NUP98: variants seen among roughly 807,000 people sequenced by gnomAD.
The protein encoded by NUP98 is nucleoporin 98 and 96 precursor.
Under a neutral mutation model 191.9 loss-of-function variants are expected in NUP98, and 26 were observed. That is an observed-to-expected ratio of 0.14 (90% CI 0.10 to 0.19). The LOEUF (loss-of-function observed/expected upper bound fraction) is 0.19, where lower values mean the gene tolerates loss of function less well. Among genes scored for constraint, NUP98 ranks in the 10% least tolerant of loss-of-function variants. The probability of loss-of-function intolerance (pLI) is 1.00; values close to 1 mark genes in which losing one functional copy is unlikely to be tolerated. For synonymous variants in NUP98, 808 were observed against 778.4 expected, an observed-to-expected ratio of 1.04 and a Z score of -0.63; for missense variants, 1,941 against 2,178.8, an observed-to-expected ratio of 0.89 and a Z score of 2.17.
At chr11:3,697,243 C>CAAATAA (rs1369100616) in intron 25 of NUP98, 2 of 152,040 alleles carry the variant, frequency 1.3e-5, no homozygotes. Context: ...GACCCCATCT[C>CAAATAA]TATTTAAAAA....
At chr11:3,778,727 G>T in intron 4 of NUP98, 146 bp downstream of exon 4, 1 of 725,600 alleles carries the variant, frequency 1.4e-6, no homozygotes, top group Non-Finnish European at 2.3e-6. Flanking sequence ...AACCTTTTCA[G>T]TACATATTGA....
At chr11:3,714,111 T>TA in intron 18 of NUP98, 116 bp from the exon 19 acceptor site, 1 of 1,045,126 alleles carries the variant, frequency 9.6e-7, no homozygotes, top group Non-Finnish European at 1.4e-6. Context: ...GCCTTGGAAT[T>TA]ATTCTGCATG....
Position 3,735,793 on chromosome 11 carries a change from T to C in NUP98, c.1409-469A>G, listed in dbSNP as rs534556893. On this transcript the variant is annotated intron_variant, in intron 12 of 32. Coordinates refer to ENST00000324932, the MANE Select transcript of NUP98 (RefSeq NM_016320.5). ...TGTGTGTGTGTGTGTGTGTGTGTAATTGTCTAAAGGAAATAATATGACAGT... is the reference window on the plus strand; with the variant it reads ...TGTGTGTGTGTGTGTGTGTGTGTAACTGTCTAAAGGAAATAATATGACAGT... Among the ~76,000 whole-genome samples, 12 of 125,298 alleles carry C rather than the reference T, an allele frequency of 9.6e-5. No homozygotes were observed. The South Asian group carries it at 2.3e-3, about 24-fold the overall frequency. 82.2% of individuals were successfully genotyped at this position (125,298 alleles called of 152,430 possible). A position where few individuals can be genotyped will look rare whatever the true frequency, so the allele number is the denominator to read the frequency against.
intron 10 of NUP98, among the ~76,000 whole-genome samples, chr11:3,757,092 A>T (rs2080985648): frequency 2.1e-5 from 3 of 142,196 alleles, no homozygotes; most frequent in Admixed American, 7.2e-5. Flanking sequence ...CATCTCAAAA[A>T]AAAAATATAT....
chr11:3,795,377 TAGAGGCTA>T (rs2082493422), intron 1 of NUP98, among the ~76,000 whole-genome samples: 2 of 152,084 alleles, frequency 1.3e-5, no homozygotes, highest in South Asian at 4.1e-4. Context: ...GCCCAGGAGG[TAGAGGCTA>T]CTGTGAACCG....
intron 30 of NUP98, among the ~76,000 whole-genome samples, chr11:3,682,968 G>GCA (rs2078024271): frequency 6.6e-6 from 1 of 152,094 alleles, no homozygotes; most frequent in African/African-American, 2.4e-5. Context: ...AATAATATTA[G>GCA]CACACATCAA....
chr11:3,764,657 C>T (rs1032441572), intron 8 of NUP98, among the ~76,000 whole-genome samples: 2 of 152,230 alleles, frequency 1.3e-5, no homozygotes, highest in Non-Finnish European at 2.9e-5. Flanking sequence ...CGGCTCACCA[C>T]AACCTCCGCC....
chr11:3,741,909 G>A (rs946967668), intron 12 of NUP98, among the ~76,000 whole-genome samples: 1 of 152,220 alleles, frequency 6.6e-6, no homozygotes, highest in Non-Finnish European at 1.5e-5. Flanking sequence ...TGTGTGGAAT[G>A]AATGAAGGTA....
chr11:3,702,562 T>C lies in NUP98; in HGVS notation c.3413A>G (p.Asn1138Ser). ...AGAGCCATTCAGCTGTTCTCCACTA[T>C]TAGCAAGAGTCCAGTTGGGGCCCCA... is the stretch of plus-strand genomic sequence containing the variant. ...VGWGPNWTLA[N>S]SGEQLNGSHE... The change falls in exon 23 of 33, where the codon AAT becomes AGT. Residue 1138 changes from asparagine to serine, a missense_variant. Physicochemically the swap from Asn to Ser is conservative, Grantham distance 46. Around this residue, in one of 6 missense-constraint regions of NUP98, gnomAD observed 1,030 missense variants for 1,115.8 expected, o/e 0.92. Coordinates refer to ENST00000324932, the MANE Select transcript of NUP98 (RefSeq NM_016320.5). The C allele has an allele frequency of 6.2e-7, 1 of 1,614,096 alleles. No homozygotes were observed. Among genetic ancestry groups the C allele is most frequent in the Non-Finnish European group, 8.5e-7 (1 of 1,180,010 alleles).
intron 7 of NUP98, among the ~76,000 whole-genome samples, 181 bp from the exon 8 acceptor site, chr11:3,768,925 T>G (rs984890263): frequency 7.9e-5 from 12 of 152,188 alleles, no homozygotes; most frequent in Non-Finnish European, 1.8e-4. Context: ...ATTTAAACTT[T>G]AACTTCTGTA....
chr11:3,704,911 A>C lies in NUP98; in HGVS notation c.3082+289T>G, dbSNP rs2078813635. ...ATAGTCCTAGCTACTCAGGAGGCTG[A>C]GACAGGAGGACTGCTTGAGCCCAAG... On this transcript the variant is annotated intron_variant, in intron 22 of 32. Coordinates refer to ENST00000324932, the MANE Select transcript of NUP98 (RefSeq NM_016320.5). Among the ~76,000 whole-genome samples, 9 of 152,228 alleles carry C rather than the reference A, an allele frequency of 5.9e-5. No homozygotes were observed. In the South Asian group the frequency reaches 1.9e-3, roughly 31 times the overall value.
intron 10 of NUP98, among the ~76,000 whole-genome samples, chr11:3,755,928 A>G (rs2080944584): frequency 6.6e-6 from 1 of 152,236 alleles, no homozygotes; most frequent in Admixed American, 6.5e-5. Flanking sequence ...ACGCCACTGC[A>G]CTCCAGCCTG....
chr11:3,713,743 G>T (rs2079089592), intron 19 of NUP98, 75 bp downstream of exon 19: 6 of 1,380,714 alleles, frequency 4.3e-6, no homozygotes, highest in Non-Finnish European at 5.0e-6. Flanking sequence ...TTTAGCAAAG[G>T]ATCCCTTCCA....
chr11:3,694,711 A>G (rs1048245223), intron 26 of NUP98, among the ~76,000 whole-genome samples: 9 of 151,372 alleles, frequency 5.9e-5, no homozygotes, highest in Admixed American at 4.6e-4. Context: ...CTGCACTCCA[A>G]CCTGGGCAAC....
intron 12 of NUP98, among the ~76,000 whole-genome samples, chr11:3,739,098 A>G (rs961072388): frequency 2.6e-5 from 4 of 152,208 alleles, no homozygotes; most frequent in African/African-American, 9.6e-5. Context: ...CACAAATTTA[A>G]TATTAACTAA....
chr11:3,772,999 CAAAAAAAAA>C (rs899907328), intron 6 of NUP98, among the ~76,000 whole-genome samples: 11 of 149,766 alleles, frequency 7.3e-5, no homozygotes, highest in African/African-American at 2.7e-4. Context: ...ACAAAAAAAA[CAAAAAAAAA>C]CCAACTTTTA....
intron 1 of NUP98, among the ~76,000 whole-genome samples, chr11:3,794,829 G>A (rs1366858818): frequency 6.6e-6 from 1 of 152,162 alleles, no homozygotes; most frequent in Admixed American, 6.6e-5. Context: ...GCCCAGGCTA[G>A]TCTTGAACTT....
At chr11:3,768,829 G>C (rs2081424709) in intron 7 of NUP98, 85 bp from the exon 8 acceptor site, 2 of 1,096,918 alleles carry the variant, frequency 1.8e-6, no homozygotes, top group Middle Eastern at 3.3e-4. Flanking sequence ...CCATTATCCA[G>C]TTGTTGTAAT....
chr11:3,782,745 T>C (rs1450809776), intron 1 of NUP98, among the ~76,000 whole-genome samples: 2 of 151,892 alleles, frequency 1.3e-5, no homozygotes, highest in East Asian at 1.9e-4. Flanking sequence ...GGTTTCACCA[T>C]GTTGGCCAGG....
Sources: allele counts gnomAD v4.1 joint callset (sites outside exome capture counted in the v4.1 genomes callset), GRCh38; gene constraint gnomAD v4.1.1; regional missense constraint gnomAD v4.1.1; transcripts MANE v1.5; gene names NCBI Gene and HGNC (gene_info 2026-07-23, HGNC 2026-07-21).